The following TTLL6 variants were observed in gnomAD, a reference collection of about 807,000 sequenced individuals.
TTLL6 encodes tubulin polyglutamylase TTLL6.
Under a neutral mutation model 96.4 loss-of-function variants are expected in TTLL6, and 75 were observed. The ratio of observed to expected loss-of-function variants is 0.78; its 90% CI spans 0.65 to 0.94. The LOEUF is 0.94. Among genes scored for constraint, TTLL6 ranks in the 40% least tolerant of loss-of-function variants. The pLI, the probability that TTLL6 is intolerant of heterozygous loss-of-function variation, is 0.00. For missense variants in TTLL6, 1,030 were observed against 1,093.0 expected, an observed-to-expected ratio of 0.94 and a Z score of 0.81; for synonymous variants, 411 against 419.4, an observed-to-expected ratio of 0.98 and a Z score of 0.24.
chr17:48,769,908 A>G lies in TTLL6; in HGVS notation c.2230T>C (p.Phe744Leu). Residue 744 changes from phenylalanine (F) to leucine (L), a missense_variant, in exon 14 of 16, where the codon TTT becomes CTT. Transcript: ENST00000393382. ...HLTQKKMLKSFLPTKSKSFWE... is the reference protein window; with the variant it reads ...HLTQKKMLKSLLPTKSKSFWE... ...AAGCTCTTGGATTTTGTGGGCAGAA[A>G]AGATTTTAACATTTTCTTCTGGGTT... 3.1e-6 allele frequency: 5 copies of G among 1,614,176 alleles called. No homozygotes were observed. Among genetic ancestry groups the G allele is most frequent in the Non-Finnish European group, 4.2e-6 (5 of 1,180,030 alleles).
intron 13 of TTLL6, among the ~76,000 whole-genome samples, chr17:48,781,751 C>T (rs1338543233): frequency 1.3e-5 from 2 of 152,116 alleles, no homozygotes; most frequent in African/African-American, 2.4e-5. Context: ...AAGTGCTAAC[C>T]CCCAAGGTGA....
chr17:48,804,993 T>C lies in TTLL6; in HGVS notation c.104-2A>G. 1 of 1,550,280 alleles carries C rather than the reference T, an allele frequency of 6.5e-7. No individual in the cohort carries two copies. Among genetic ancestry groups the C allele is most frequent in the Non-Finnish European group, 8.7e-7 (1 of 1,145,948 alleles). On this transcript the variant is annotated splice_acceptor_variant, in intron 1 of 15. Transcript: ENST00000393382. LOFTEE classifies it high-confidence loss of function. Reference sequence around the variant, plus strand: ...AGGCTCTGGGGAAATACCAGGCCCCTAGAGAGAGGGCAGAGGGAGCCGCAG... The same window carrying C: ...AGGCTCTGGGGAAATACCAGGCCCCCAGAGAGAGGGCAGAGGGAGCCGCAG...
intron 13 of TTLL6, among the ~76,000 whole-genome samples, chr17:48,780,721 A>C (rs7215901): frequency 0.26 from 39,133 of 152,134 alleles, 5,170 homozygotes; most frequent in Admixed American, 0.38. Context: ...GATACTTCAC[A>C]GAAGTGGAAT....
In TTLL6 at chr17:48,815,341, T is replaced by G. The variant is rs574775479; in HGVS notation, c.103+1629A>C. On this transcript the variant is annotated intron_variant, in intron 1 of 15. Transcript: ENST00000393382. The stretch of plus-strand genomic sequence containing the variant: ...AGGTTTTCCTTCACGTACCTCCTTT[T>G]CATCTTTTGGTCCTCATTTCCCTAC... 6.6e-5 allele frequency: 10 copies of G among 152,322 alleles called. No homozygotes were observed. The East Asian group carries it at 1.9e-3, about 29-fold the overall frequency. The allele number at this position is 152,322 out of a possible 1,614,324, so 9.4% of individuals were successfully genotyped here. A position where few individuals can be genotyped will look rare whatever the true frequency, so the allele number is the denominator to read the frequency against.
In TTLL6 at chr17:48,801,550, C is replaced by T. The variant is rs755236282; in HGVS notation, c.455G>A (p.Arg152Gln). The stretch of plus-strand genomic sequence containing the variant: ...CTGGTAACTTTTCATTTCCATCACC[C>T]GCTCCAGTGACACTGAGTAATCTGT... ...YWTDYSVSLE[R>Q]VMEMKSYQKI... The change falls in exon 4 of 16, where the codon CGG becomes CAG. Residue 152 changes from arginine to glutamine, a missense_variant. Physicochemically the swap from Arg to Gln is conservative, Grantham distance 43. Transcript: ENST00000393382. 1.3e-5 allele frequency: 20 copies of T among 1,551,954 alleles called. No individual in the cohort carries two copies. Among genetic ancestry groups the T allele is most frequent in the South Asian group, 1.2e-4 (10 of 84,046 alleles).
intron 13 of TTLL6, among the ~76,000 whole-genome samples, chr17:48,775,519 T>TTTATTATTATTA (rs2038851822): frequency 1.9e-5 from 2 of 107,376 alleles, no homozygotes; most frequent in African/African-American, 7.0e-5. Context: ...TCAACATCCA[T>TTTATTATTATTA]CTATTATTAT....
chr17:48,794,315 C>T, intron 8 of TTLL6: 1 of 1,608,610 alleles, frequency 6.2e-7, no homozygotes, highest in Non-Finnish European at 8.5e-7. Flanking sequence ...CCATTCTGTG[C>T]CCTTAGACTA....
In TTLL6 at chr17:48,769,987, C is replaced by A. The variant is rs539699228; in HGVS notation, c.2151G>T (p.Glu717Asp). The A allele has an allele frequency of 6.2e-7, 1 of 1,614,128 alleles. No individual in the cohort carries two copies. Among genetic ancestry groups the A allele is most frequent in the East Asian group, 2.2e-5 (1 of 44,882 alleles). The change falls in exon 14 of 16, where the codon GAG (glutamate) becomes GAT (aspartate). Residue 717 changes from glutamate to aspartate, a missense_variant. Coordinates refer to ENST00000393382, the MANE Select transcript of TTLL6 (RefSeq NM_001130918.3). The stretch of plus-strand genomic sequence containing the variant: ...ATTTAAAGGATACCACCCTGTCCGT[C>A]TCTGGGCCACTGTACTCAGAGCTGG... ...VTASSEYSGP[E>D]TDRVVSFKCK...
intron 7 of TTLL6, 75 bp downstream of exon 7, chr17:48,796,986 T>C (rs2039326866): frequency 4.2e-6 from 6 of 1,429,388 alleles, no homozygotes; most frequent in Middle Eastern, 1.8e-4. Context: ...CTTGAGGATG[T>C]GGATTTAACT....
intron 3 of TTLL6, among the ~76,000 whole-genome samples, chr17:48,803,535 T>C (rs573143176): frequency 3.4e-5 from 5 of 146,914 alleles, no homozygotes; most frequent in African/African-American, 1.0e-4. Flanking sequence ...TGTTCTAAAA[T>C]AGAAAATAGG....
In TTLL6 at chr17:48,789,948, A is replaced by G. The variant is rs748375083; in HGVS notation, c.1383T>C (p.Cys461=). 4 of 1,614,128 alleles carry G rather than the reference A, an allele frequency of 2.5e-6. No homozygotes were observed. The South Asian group carries it at 4.4e-5, about 18-fold the overall frequency. The change falls in exon 10 of 16, where the codon TGT becomes TGC. Residue 461 remains cysteine, a synonymous_variant. Transcript: ENST00000393382. ...ERQRGQFLQQ[C]CSREMRIEEA... is the part of the protein sequence containing the mutation. ...GAATGTACCTCATCTCCCGAGAACA[A>G]CACTGCTGCAGGAACTGCCCCCGTT... is the stretch of plus-strand genomic sequence containing the variant.
At chr17:48,787,760 C>A in intron 11 of TTLL6, 51 bp downstream of exon 11, 1 of 1,553,952 alleles carries the variant, frequency 6.4e-7, no homozygotes, top group Non-Finnish European at 8.8e-7. Flanking sequence ...CAATAGATCA[C>A]ACACAATCCC....
intron 13 of TTLL6, among the ~76,000 whole-genome samples, chr17:48,781,100 T>C (rs1267044449): frequency 6.6e-6 from 1 of 151,758 alleles, no homozygotes; most frequent in Non-Finnish European, 1.5e-5. Context: ...CAGGCTGGAG[T>C]GCAGTGGCGC....
intron 13 of TTLL6, among the ~76,000 whole-genome samples, chr17:48,776,017 CT>C (rs1399214951): frequency 4.6e-5 from 7 of 152,146 alleles, no homozygotes; most frequent in Admixed American, 3.9e-4. Flanking sequence ...GTTTCCACCC[CT>C]ATTCAACGTT....
At chr17:48,804,442 A>AAGG (rs1237015788) in intron 2 of TTLL6, 1 of 511,490 alleles carries the variant, frequency 2.0e-6, no homozygotes, top group South Asian at 1.5e-5. Context: ...TATCATACTG[A>AAGG]AGGCGTACTA....
chr17:48,763,532 C>T (rs2038530083), intron 15 of TTLL6, among the ~76,000 whole-genome samples: 2 of 152,202 alleles, frequency 1.3e-5, no homozygotes, highest in African/African-American at 4.8e-5. Flanking sequence ...CACAGTGGCT[C>T]ATGCCTGTAA....
chr17:48,810,814 AGTAT>A (rs200344892), intron 1 of TTLL6, among the ~76,000 whole-genome samples: 9 of 46,782 alleles, frequency 1.9e-4, no homozygotes, highest in African/African-American at 7.9e-4. Flanking sequence ...ACACATATAT[AGTAT>A]GTGTGTGTAT....
At chr17:48,790,686 C>T (rs2039201265) in intron 9 of TTLL6, among the ~76,000 whole-genome samples, 1 of 152,184 alleles carries the variant, frequency 6.6e-6, no homozygotes, top group South Asian at 2.1e-4. Flanking sequence ...CCCACCACAC[C>T]TACAAGGGCT....
intron 1 of TTLL6, among the ~76,000 whole-genome samples, chr17:48,810,708 A>T (rs1227286704): frequency 6.9e-6 from 1 of 144,788 alleles, no homozygotes; most frequent in Non-Finnish European, 1.5e-5. Flanking sequence ...ACAATCAAAC[A>T]AAAAAACCTA....
Sources: gnomAD v4.1 joint callset for allele counts (sites outside exome capture counted in the v4.1 genomes callset) on GRCh38, gnomAD v4.1.1 for gene constraint, MANE v1.5 for transcripts, NCBI Gene and HGNC (gene_info 2026-07-23, HGNC 2026-07-21) for gene names.